Variants in RASEF observed in about 807,000 individuals in gnomAD.
RASEF encodes the protein RAS and EF-hand domain containing.
Under a neutral mutation model 90.1 loss-of-function variants are expected in RASEF, and 68 were observed. The observed-to-expected ratio is 0.75, with a 90% CI of 0.62 to 0.92. RASEF has a LOEUF of 0.92. Ranked by LOEUF, RASEF falls within the 40% of genes least tolerant of loss-of-function variation. The pLI, the probability that RASEF is intolerant of heterozygous loss-of-function variation, is 0.00. For synonymous variants in RASEF, 331 were observed against 345.2 expected (o/e 0.96, Z 0.46); for missense variants, 949 against 937.2 (o/e 1.01, Z -0.16).
chr9:83,044,834 A>T (rs549277819), intron 1 of RASEF, among the ~76,000 whole-genome samples: 23 of 152,326 alleles, frequency 1.5e-4, no homozygotes, highest in Admixed American at 9.8e-4. Flanking sequence ...TTAACACTTA[A>T]ATCAGTAGAC....
At chr9:83,060,558 T>C (rs1830185308) in intron 1 of RASEF, among the ~76,000 whole-genome samples, 1 of 152,216 alleles carries the variant, frequency 6.6e-6, no homozygotes, top group Admixed American at 6.5e-5. Context: ...GTAATGCTTA[T>C]GGAATACATT....
At chr9:83,036,803 T>C (rs749284281) in intron 1 of RASEF, among the ~76,000 whole-genome samples, 2 of 152,176 alleles carry the variant, frequency 1.3e-5, no homozygotes, top group African/African-American at 2.4e-5. Context: ...ATTGTAACAA[T>C]TGTACTACAC....
chr9:83,189,522 G>C, the RASEF span, among the ~76,000 whole-genome samples: 1 of 152,108 alleles, frequency 6.6e-6, no homozygotes, highest in Non-Finnish European at 1.5e-5. Flanking sequence ...ACACAGAACT[G>C]GGTCTCCACT....
chr9:83,147,034 A>ATGTG, the RASEF span, among the ~76,000 whole-genome samples: 1 of 108,102 alleles, frequency 9.3e-6, no homozygotes, highest in African/African-American at 4.5e-5. Flanking sequence ...GTGTGTATAT[A>ATGTG]TATATGTATA....
At chr9:82,996,925 A>C in intron 14 of RASEF, 87 bp downstream of exon 14, 1 of 774,126 alleles carries the variant, frequency 1.3e-6, no homozygotes, top group Non-Finnish European at 2.3e-6. Context: ...AATCAAGTTC[A>C]TTCTGACAAA....
chr9:82,997,338 A>G (rs1471746762), intron 13 of RASEF, among the ~76,000 whole-genome samples: 1 of 152,174 alleles, frequency 6.6e-6, no homozygotes, highest in Non-Finnish European at 1.5e-5. Flanking sequence ...AGAAAATCCA[A>G]TCCTTCTCTC....
the RASEF span, among the ~76,000 whole-genome samples, chr9:83,150,964 G>T: frequency 1.3e-5 from 2 of 152,124 alleles, no homozygotes; most frequent in South Asian, 4.1e-4. Flanking sequence ...GTAACTGGGA[G>T]CTCTCTGAGT....
chr9:83,210,172 C>A, the RASEF span, among the ~76,000 whole-genome samples: 1 of 152,134 alleles, frequency 6.6e-6, no homozygotes, highest in Non-Finnish European at 1.5e-5. Flanking sequence ...AGCCCAGTGG[C>A]TTTTGCAATG....
chr9:83,214,523 C>A, the RASEF span, among the ~76,000 whole-genome samples: 1 of 152,136 alleles, frequency 6.6e-6, no homozygotes, highest in Admixed American at 6.5e-5. Flanking sequence ...GTAAATGACT[C>A]AACCTTGGTT....
chr9:83,116,167 T>C, the RASEF span, among the ~76,000 whole-genome samples: 1 of 152,212 alleles, frequency 6.6e-6, no homozygotes, highest in Non-Finnish European at 1.5e-5. Context: ...ATTCAAAAGA[T>C]TCAAGATAAT....
In RASEF at chr9:82,990,457, G is replaced by A. The variant is rs1011090408; in HGVS notation, c.2051C>T (p.Ala684Val). The change falls in exon 16 of 17, where the codon GCA becomes GTA. Residue 684 changes from alanine to valine, a missense_variant. Transcript: ENST00000376447. ...TTTGGCACTTGTTTCACAGAATAATGCCCCATACGTCTGTAAAAAAGAAAT... is the reference window on the plus strand; with the variant it reads ...TTTGGCACTTGTTTCACAGAATAATACCCCATACGTCTGTAAAAAAGAAAT... Reference protein sequence around the residue: ...FGEKLAMTYGALFCETSAKDG... With the variant: ...FGEKLAMTYGVLFCETSAKDG... 5.6e-6 allele frequency: 9 copies of A among 1,611,124 alleles called. No individual in the cohort carries two copies. The highest frequency in any genetic ancestry group is 1.3e-5 in the African/African-American group (1 of 74,816).
chr9:83,043,786 C>T (rs578118446), intron 1 of RASEF, among the ~76,000 whole-genome samples: 15 of 152,244 alleles, frequency 9.9e-5, no homozygotes, highest in South Asian at 4.1e-4. Context: ...CCCACACTCT[C>T]GCTTCTCATT....
chr9:83,097,389 C>G, the RASEF span, among the ~76,000 whole-genome samples: 1 of 152,152 alleles, frequency 6.6e-6, no homozygotes, highest in South Asian at 2.1e-4. Flanking sequence ...CAACAGCAGC[C>G]AAAATTGACA....
chr9:83,012,667 TA>T (rs1413022714), intron 4 of RASEF, among the ~76,000 whole-genome samples, 156 bp from the exon 5 acceptor site: 1 of 152,196 alleles, frequency 6.6e-6, no homozygotes, highest in Non-Finnish European at 1.5e-5. Context: ...ATAAAATCCA[TA>T]AGGATTTGAA....
the RASEF span, among the ~76,000 whole-genome samples, chr9:83,108,349 C>CT: frequency 2.0e-5 from 3 of 152,182 alleles, no homozygotes; most frequent in Non-Finnish European, 4.4e-5. Context: ...AGTCAGAGAA[C>CT]TATGGCCCCC....
chr9:83,195,186 G>A, the RASEF span, among the ~76,000 whole-genome samples: 807 of 152,256 alleles, frequency 5.3e-3, 10 homozygotes, highest in African/African-American at 0.019. Context: ...GCTATGTGGC[G>A]GGATTTCAGT....
At chr9:83,210,047 G>A in the RASEF span, among the ~76,000 whole-genome samples, 1 of 152,170 alleles carries the variant, frequency 6.6e-6, no homozygotes, top group Non-Finnish European at 1.5e-5. Context: ...AATTTCTGAA[G>A]ACATCATGTC....
At chr9:83,086,920 A>C in the RASEF span, among the ~76,000 whole-genome samples, 1 of 152,206 alleles carries the variant, frequency 6.6e-6, no homozygotes, top group South Asian at 2.1e-4. Flanking sequence ...TTGGTCTCAC[A>C]GACCAACGCT....
At chr9:83,021,371 A>G (rs1295257155) in intron 3 of RASEF, among the ~76,000 whole-genome samples, 1 of 152,296 alleles carries the variant, frequency 6.6e-6, no homozygotes, top group South Asian at 2.1e-4. Flanking sequence ...TTTTGCTGCC[A>G]CTCAGTGTTA....
Sources: gnomAD v4.1 joint callset for allele counts (sites outside exome capture counted in the v4.1 genomes callset) on GRCh38, gnomAD v4.1.1 for gene constraint, MANE v1.5 for transcripts, NCBI Gene and HGNC (gene_info 2026-07-23, HGNC 2026-07-21) for gene names.